M1AP: variants seen among roughly 807,000 people sequenced by gnomAD.
M1AP encodes the protein meiosis 1 arrest protein.
Under a neutral mutation model 51.2 loss-of-function variants are expected in M1AP, and 39 were observed. The ratio of observed to expected loss-of-function variants is 0.76; its 90% CI spans 0.59 to 1.00. M1AP has a LOEUF of 1.00. Ranked by LOEUF, M1AP falls within the 50% of genes least tolerant of loss-of-function variation. The pLI, the probability that M1AP is intolerant of heterozygous loss-of-function variation, is 0.00. For synonymous variants in M1AP, 251 were observed against 249.2 expected, an observed-to-expected ratio of 1.01 and a Z score of -0.07; for missense variants, 545 against 641.2, an observed-to-expected ratio of 0.85 and a Z score of 1.62.
In M1AP at chr2:74,640,125, G is replaced by T; in HGVS notation, c.151C>A (p.Leu51Ile). 1 of 1,614,182 alleles carries T rather than the reference G, an allele frequency of 6.2e-7. No individual in the cohort carries two copies. Among genetic ancestry groups the T allele is most frequent in the Non-Finnish European group, 8.5e-7 (1 of 1,179,996 alleles). Residue 51 changes from leucine to isoleucine, a missense_variant, in exon 2 of 11, where the codon CTA (leucine) becomes ATA (isoleucine). Physicochemically the swap from Leu to Ile is conservative, Grantham distance 5. Transcript: ENST00000421985. ...CTGGGGCCCATCAAGCTGCAGGCTAGAGAGAAGAAGTTCTGCAGAGCCTCA... is the reference window on the plus strand; with the variant it reads ...CTGGGGCCCATCAAGCTGCAGGCTATAGAGAAGAAGTTCTGCAGAGCCTCA... ...LCEALQNFFS[L>I]ACSLMGPSRM...
At chr2:74,571,655 T>G (rs919773897) in intron 7 of M1AP, among the ~76,000 whole-genome samples, 4 of 152,172 alleles carry the variant, frequency 2.6e-5, no homozygotes, top group Non-Finnish European at 5.9e-5. Context: ...GGATTTTTGC[T>G]GCTTGGAGAA....
chr2:74,648,162 G>C (rs889243352), intron 1 of M1AP, 103 bp downstream of exon 1: 15 of 955,920 alleles, frequency 1.6e-5, no homozygotes, highest in Non-Finnish European at 1.7e-5. Flanking sequence ...ACCAACACCT[G>C]CCTGAGGACT....
At chr2:74,562,635 T>A (rs1266046591) in intron 7 of M1AP, among the ~76,000 whole-genome samples, 1 of 151,862 alleles carries the variant, frequency 6.6e-6, no homozygotes, top group Non-Finnish European at 1.5e-5. Flanking sequence ...CCAGAGAGAG[T>A]ATATAAAAGG....
intron 8 of M1AP, among the ~76,000 whole-genome samples, chr2:74,561,070 G>GAGGAGGAGGAGAAGGAGGAGGAGGAGA (rs1558643475): frequency 9.7e-6 from 1 of 103,452 alleles, no homozygotes; most frequent in African/African-American, 4.0e-5. Flanking sequence ...AGGGGAGGAG[G>GAGGAGGAGGAGAAGGAGGAGGAGGAGA]AGGAGGAGGA....
At chr2:74,628,949 G>T in intron 2 of M1AP, 1 of 307,716 alleles carries the variant, frequency 3.2e-6, no homozygotes. Flanking sequence ...TCATGGCCCA[G>T]AATACTTTCA....
rs549731217 is a variant in M1AP at position 74,615,263 on chromosome 2, T to C, written c.241-114A>G. 830 of 931,486 alleles carry C rather than the reference T, an allele frequency of 8.9e-4. 1 individual carries two copies. The highest frequency in any genetic ancestry group is 9.2e-4 in the Non-Finnish European group (564 of 614,906). The allele number at this position is 931,486 out of a possible 1,614,324, so 57.7% of individuals were successfully genotyped here. ...CAGAAGTTCCTTCCCTTCCTGAAAA[T>C]TTATTTGACCAACATCTACTGAATT... is the stretch of plus-strand genomic sequence containing the variant. On this transcript the variant is annotated intron_variant, in intron 2 of 10. Transcript: ENST00000421985.
At chr2:74,622,986 T>C (rs1364539623) in intron 2 of M1AP, among the ~76,000 whole-genome samples, 1 of 136,788 alleles carries the variant, frequency 7.3e-6, no homozygotes, top group Non-Finnish European at 1.6e-5. Context: ...CAAAATCAGA[T>C]AGTAAATGGG....
At chr2:74,592,576 C>T (rs1335645345) in intron 4 of M1AP, among the ~76,000 whole-genome samples, 2 of 151,844 alleles carry the variant, frequency 1.3e-5, no homozygotes, top group Non-Finnish European at 2.9e-5. Flanking sequence ...GCATAAATTG[C>T]AAATACTTTC....
At chr2:74,621,289 A>C (rs944430603) in intron 2 of M1AP, among the ~76,000 whole-genome samples, 8 of 151,302 alleles carry the variant, frequency 5.3e-5, no homozygotes, top group African/African-American at 7.3e-5. Flanking sequence ...CTCAAAAAAA[A>C]CCCCAAAAAA....
chr2:74,563,103 A>G (rs1029372113), intron 7 of M1AP, among the ~76,000 whole-genome samples: 4 of 152,310 alleles, frequency 2.6e-5, no homozygotes, highest in African/African-American at 7.2e-5. Context: ...TAGTAAGGCC[A>G]GATGTGGTGG....
At chr2:74,617,324 C>T (rs925447115) in intron 2 of M1AP, among the ~76,000 whole-genome samples, 10 of 152,138 alleles carry the variant, frequency 6.6e-5, no homozygotes, top group Non-Finnish European at 1.3e-4. Flanking sequence ...TTAGATGACA[C>T]CCAGAACCAG....
chr2:74,635,757 T>C (rs866405222), intron 2 of M1AP, among the ~76,000 whole-genome samples: 7 of 152,266 alleles, frequency 4.6e-5, no homozygotes, highest in South Asian at 4.1e-4. Flanking sequence ...AGAAGTGTGT[T>C]GTTTAGTTTT....
chr2:74,581,248 A>T (rs1309936924), intron 5 of M1AP, among the ~76,000 whole-genome samples: 2 of 152,188 alleles, frequency 1.3e-5, no homozygotes, highest in African/African-American at 4.8e-5. Context: ...CCTAGCGAGA[A>T]GATCTTTATT....
rs1198497831 is a variant in M1AP, at chr2:74,573,941, T to G, written c.1074+1497A>C. Among the ~76,000 whole-genome samples, 3 of 152,320 alleles carry G rather than the reference T, an allele frequency of 2.0e-5. No homozygotes were observed. The South Asian group carries it at 6.2e-4, about 32-fold the overall frequency. ...CTCCCATGTGATGTATCATCTCAGA[T>G]TCTGAGGAACTGGGTGGAGTAAATA... is the stretch of plus-strand genomic sequence containing the variant. On this transcript the variant is annotated intron_variant, in intron 7 of 10. Coordinates refer to ENST00000421985, the MANE Select transcript of M1AP (RefSeq NM_001321739.2).
chr2:74,616,681 AGATT>A (rs1681687565), intron 2 of M1AP, among the ~76,000 whole-genome samples: 1 of 152,244 alleles, frequency 6.6e-6, no homozygotes, highest in African/African-American at 2.4e-5. Flanking sequence ...GGGGCACTCT[AGATT>A]GAGTTATTAT....
intron 4 of M1AP, among the ~76,000 whole-genome samples, chr2:74,591,879 A>G (rs1296955607): frequency 6.6e-6 from 1 of 152,130 alleles, no homozygotes; most frequent in Non-Finnish European, 1.5e-5. Flanking sequence ...TACATCTCCC[A>G]GGTTCAAGTG....
At chr2:74,619,104 T>C (rs780956582) in intron 2 of M1AP, 9 of 334,796 alleles carry the variant, frequency 2.7e-5, no homozygotes, top group Admixed American at 1.0e-4. Context: ...GTGCTTATTA[T>C]TGAAGACTAT....
chr2:74,614,149 CT>C lies in M1AP; in HGVS notation c.426+814del, dbSNP rs536607138. ...TAGCAATGTCAATGACAGTTTCCTA[CT>C]CTAGCACTGGTTCCTGTGGAGGTTT... On this transcript the variant is annotated intron_variant, in intron 3 of 10. Coordinates refer to ENST00000421985, the MANE Select transcript of M1AP (RefSeq NM_001321739.2). Among the ~76,000 whole-genome samples, 25 of 152,306 alleles carry C rather than the reference CT, an allele frequency of 1.6e-4. No homozygotes were observed. The East Asian group carries it at 4.4e-3, about 27-fold the overall frequency.
chr2:74,562,386 G>C lies in M1AP; in HGVS notation c.1112C>G (p.Pro371Arg). The change falls in exon 8 of 11, where the codon CCG becomes CGG. Residue 371 changes from proline to arginine, a missense_variant. Coordinates refer to ENST00000421985, the MANE Select transcript of M1AP (RefSeq NM_001321739.2). The part of the protein sequence containing the change: ...EWLLLAKGEP[P>R]GPGHSQRIPA... The stretch of plus-strand genomic sequence containing the variant: ...AATTCTCTGGCTGTGTCCTGGGCCC[G>C]GTGGTTCCCCCTTGGCTAACAGCAG... The C allele has an allele frequency of 6.2e-7, 1 of 1,614,216 alleles. No homozygotes were observed. The highest frequency in any genetic ancestry group is 1.1e-5 in the South Asian group (1 of 91,080).
Sources: allele counts gnomAD v4.1 joint callset (sites outside exome capture counted in the v4.1 genomes callset), GRCh38; gene constraint gnomAD v4.1.1; transcripts MANE v1.5; gene names NCBI Gene and HGNC (gene_info 2026-07-23, HGNC 2026-07-21).